CLCA1: variants seen among roughly 807,000 people sequenced by gnomAD.
The protein encoded by CLCA1 is calcium-activated chloride channel regulator 1.
In CLCA1, 59 loss-of-function variants were observed where a neutral mutation model predicts 85.6. That is an observed-to-expected ratio of 0.69 (90% CI 0.56 to 0.86). The LOEUF (loss-of-function observed/expected upper bound fraction) is 0.86. Among genes scored for constraint, CLCA1 ranks in the 40% least tolerant of loss-of-function variants. The probability of loss-of-function intolerance (pLI) is 0.00; values close to 1 mark genes in which losing one functional copy is unlikely to be tolerated. For synonymous variants in CLCA1, 396 were observed against 398.3 expected (o/e 0.99, Z 0.07); for missense variants, 1,022 against 1,101.4 (o/e 0.93, Z 1.02).
rs1385738601 is a variant in CLCA1, at chr1:86,489,211, T to G, written c.1357+41T>G. On this transcript the variant is annotated intron_variant, in intron 8 of 13. Transcript: ENST00000394711. ...CTGAGACCCCCGGTATTGTCTCTCC[T>G]ACTGGACTGTGAGCTCCAGTGAACT... The G allele has an allele frequency of 2.5e-6, 4 of 1,573,590 alleles. No homozygotes were observed. In the African/African-American group the frequency reaches 5.4e-5, roughly 21 times the overall value.
chr1:86,477,249 C>T (rs559904614), intron 4 of CLCA1, among the ~76,000 whole-genome samples: 20 of 152,272 alleles, frequency 1.3e-4, no homozygotes, highest in Non-Finnish European at 2.5e-4. Context: ...ATCATGGTGG[C>T]GTGAGCCACC....
At chr1:86,495,169 AT>A (rs909885100) in intron 11 of CLCA1, among the ~76,000 whole-genome samples, 41 of 152,230 alleles carry the variant, frequency 2.7e-4, no homozygotes, top group African/African-American at 9.2e-4. Flanking sequence ...ATCATACAAC[AT>A]TTTTTTCTTC....
At chr1:86,490,714 C>A (rs1048217948) in intron 8 of CLCA1, among the ~76,000 whole-genome samples, 1 of 151,846 alleles carries the variant, frequency 6.6e-6, no homozygotes, top group African/African-American at 2.4e-5. Flanking sequence ...GGCTGCTTTG[C>A]AGATAGTTGA....
In CLCA1 at chr1:86,494,199, A is replaced by T. The variant is rs1420337142; in HGVS notation, c.1693A>T (p.Lys565Ter). Residue 565 changes from lysine to a stop codon, truncating the protein, a stop_gained, in exon 11 of 14, where the codon AAA becomes TAA. Transcript: ENST00000394711. LOFTEE classifies it high-confidence loss of function. ...IPGIAKVGTW[K>*]YSLQASSQTL... ...GTGTTTTGGTCAGGTTGGCACTTGG[A>T]AATACAGTCTGCAAGCAAGCTCACA... The T allele has an allele frequency of 6.2e-7, 1 of 1,614,202 alleles. No homozygotes were observed. Among genetic ancestry groups the T allele is most frequent in the Non-Finnish European group, 8.5e-7 (1 of 1,180,018 alleles).
At chr1:86,491,413 T>G in intron 9 of CLCA1, 42 bp downstream of exon 9, 1 of 1,351,504 alleles carries the variant, frequency 7.4e-7, no homozygotes, top group Non-Finnish European at 1.1e-6. Flanking sequence ...TTACACATAA[T>G]CATAGCCAAG....
rs1050696317 is a variant in CLCA1, at chr1:86,473,439, T to C, written c.185T>C (p.Leu62Pro). 1.9e-6 allele frequency: 3 copies of C among 1,602,406 alleles called. No individual in the cohort carries two copies. The South Asian group carries it at 3.3e-5, about 18-fold the overall frequency. ...CAGGACATGGTGACCCAGGCATCTC[T>C]GTATCTGCTTGAAGCTACAGGAAAG... ...QIKDMVTQAS[L>P]YLLEATGKRF... The change falls in exon 2 of 14, where the codon CTG (leucine) becomes CCG (proline). Residue 62 changes from leucine to proline, a missense_variant. Leu to Pro is a moderately conservative substitution (Grantham distance 98). Transcript: ENST00000394711.
At position 86,497,347 on chromosome 1, in the gene CLCA1, G is replaced by A. The variant is rs370212465; in HGVS notation, c.2114-1225G>A. Among the ~76,000 whole-genome samples the A allele has an allele frequency of 2.1e-3, 319 of 152,166 alleles. 5 individuals are homozygous for A. The South Asian group carries it at 0.025, about 12-fold the overall frequency. On this transcript the variant is annotated intron_variant, in intron 12 of 13. Transcript: ENST00000394711. ...CATCTTTGCCAAGACCAGATTAATGGGTATGAAGATTAAACGGTCTTTAAC... is the reference window on the plus strand; with the variant it reads ...CATCTTTGCCAAGACCAGATTAATGAGTATGAAGATTAAACGGTCTTTAAC...
intron 4 of CLCA1, among the ~76,000 whole-genome samples, chr1:86,479,426 A>G (rs1451068303): frequency 3.3e-5 from 5 of 152,202 alleles, no homozygotes; most frequent in Admixed American, 2.6e-4. Context: ...AAATTCATAT[A>G]TAGGGTTTAT....
At chr1:86,493,811 G>T (rs550153741) in intron 10 of CLCA1, among the ~76,000 whole-genome samples, 7 of 152,182 alleles carry the variant, frequency 4.6e-5, no homozygotes, top group African/African-American at 1.7e-4. Flanking sequence ...TTTTGTCCAG[G>T]TACTAAATGG....
intron 3 of CLCA1, among the ~76,000 whole-genome samples, chr1:86,474,432 T>G (rs1291870001): frequency 6.6e-6 from 1 of 152,074 alleles, no homozygotes. Context: ...CGGACGCCTG[T>G]AGTCCCAGCT....
chr1:86,493,282 G>A, intron 9 of CLCA1, 102 bp from the exon 10 acceptor site: 4 of 825,310 alleles, frequency 4.8e-6, no homozygotes, highest in South Asian at 1.5e-5. Flanking sequence ...AGGCATCACT[G>A]AAGTCTTTTT....
intron 3 of CLCA1, 81 bp from the exon 4 acceptor site, chr1:86,476,367 C>T (rs562636844): frequency 3.6e-5 from 25 of 695,348 alleles, no homozygotes; most frequent in African/African-American, 3.2e-4. Context: ...CATAAATATT[C>T]CAAACATTGC....
chr1:86,497,197 A>G (rs1004353377), intron 12 of CLCA1, among the ~76,000 whole-genome samples: 4 of 152,212 alleles, frequency 2.6e-5, no homozygotes, highest in Non-Finnish European at 5.9e-5. Context: ...TCATATAACT[A>G]ATAGTGTTAG....
rs781754809 is a variant in CLCA1 at position 86,495,588 on chromosome 1, C to T, written c.2026C>T (p.Arg676Trp). Residue 676 changes from arginine (R) to tryptophan (W), a missense_variant, in exon 12 of 14, where the codon CGG (arginine) becomes TGG (tryptophan). Coordinates refer to ENST00000394711, the MANE Select transcript of CLCA1 (RefSeq NM_001285.4). ...GAATGGTAGATACAGTGTAAAAGTG[C>T]GGGCTCTGGGAGGAGTTAACGCAGC... ...DTNGRYSVKV[R>W]ALGGVNAARR... 1.1e-5 allele frequency: 17 copies of T among 1,613,862 alleles called. 1 individual carries two copies. In the Admixed American group the frequency reaches 1.2e-4, roughly 11 times the overall value.
At chr1:86,470,446 G>A (rs1302346001) in intron 1 of CLCA1, among the ~76,000 whole-genome samples, 1 of 152,154 alleles carries the variant, frequency 6.6e-6, no homozygotes, top group Non-Finnish European at 1.5e-5. Flanking sequence ...TCAGTCTCTG[G>A]CTAGACAGTG....
Position 86,469,535 on chromosome 1 carries a change from A to G in CLCA1, c.162+402A>G, listed in dbSNP as rs372959170. Among the ~76,000 whole-genome samples the G allele has an allele frequency of 1.1e-4, 17 of 152,254 alleles. No individual in the cohort carries two copies. In the East Asian group the frequency reaches 1.2e-3, roughly 10 times the overall value. On this transcript the variant is annotated intron_variant, in intron 1 of 13. Coordinates refer to ENST00000394711, the MANE Select transcript of CLCA1 (RefSeq NM_001285.4). ...CTCTCCTTTTATTCTCCTAATAGGA[A>G]CCCCCTTCCCTGTGATCCTAAAAGG... is the stretch of plus-strand genomic sequence containing the variant.
chr1:86,498,004 G>A (rs1229554828), intron 12 of CLCA1, among the ~76,000 whole-genome samples: 1 of 152,058 alleles, frequency 6.6e-6, no homozygotes, highest in Non-Finnish European at 1.5e-5. Context: ...TTAGCTCGGT[G>A]TGGTGGCACA....
intron 8 of CLCA1, among the ~76,000 whole-genome samples, chr1:86,489,407 G>A (rs1648076584): frequency 6.6e-6 from 1 of 152,186 alleles, no homozygotes; most frequent in South Asian, 2.1e-4. Context: ...ACTCTAGTGA[G>A]GACTCAGGAC....
chr1:86,478,508 G>A (rs750530741), intron 4 of CLCA1, among the ~76,000 whole-genome samples: 1 of 151,906 alleles, frequency 6.6e-6, no homozygotes, highest in African/African-American at 2.4e-5. Context: ...TGATGCCTTC[G>A]GCCTGTACAC....
Sources: gnomAD v4.1 joint callset for allele counts (sites outside exome capture counted in the v4.1 genomes callset) on GRCh38, gnomAD v4.1.1 for gene constraint, MANE v1.5 for transcripts, NCBI Gene and HGNC (gene_info 2026-07-23, HGNC 2026-07-21) for gene names.